Variants in FOCAD observed in about 807,000 individuals in gnomAD.
FOCAD encodes KIAA1797.
Under a neutral mutation model 225.6 loss-of-function variants are expected in FOCAD, and 198 were observed. The ratio of observed to expected loss-of-function variants is 0.88; its 90% CI spans 0.78 to 0.99. The LOEUF is 0.99. FOCAD is among the 50% of genes least tolerant of loss of function. The pLI is 0.00. For missense variants in FOCAD, 2,713 were observed against 2,123.6 expected, an observed-to-expected ratio of 1.28 and a Z score of -5.46; for synonymous variants, 897 against 755.0, an observed-to-expected ratio of 1.19 and a Z score of -3.08.
chr9:20,957,193 A>C (rs1838235545), intron 35 of FOCAD, among the ~76,000 whole-genome samples: 1 of 152,080 alleles, frequency 6.6e-6, no homozygotes. Context: ...CCCCCCAGGT[A>C]GCTAGGAGTG....
chr9:20,804,153 AAGT>A (rs1374846577), intron 11 of FOCAD, among the ~76,000 whole-genome samples: 2 of 152,084 alleles, frequency 1.3e-5, no homozygotes, highest in African/African-American at 4.8e-5. Flanking sequence ...TGAGGTTTAC[AAGT>A]AGAAGTCTCA....
At chr9:20,940,283 CTTTTT>C (rs567390382) in intron 28 of FOCAD, among the ~76,000 whole-genome samples, 1 of 133,542 alleles carries the variant, frequency 7.5e-6, no homozygotes, top group Non-Finnish European at 1.6e-5. Flanking sequence ...GCAGTTCTCC[CTTTTT>C]TTTTTTTTTT....
At chr9:20,681,344 A>C (rs1186788457), upstream of FOCAD, among the ~76,000 whole-genome samples, 1 of 152,128 alleles carries the variant, frequency 6.6e-6, no homozygotes, top group Non-Finnish European at 1.5e-5. Flanking sequence ...TTATCCTCCC[A>C]CTTGGCCTCC....
intron 1 of FOCAD, among the ~76,000 whole-genome samples, chr9:20,703,575 G>GTGTC (rs769222546): frequency 6.6e-6 from 1 of 151,784 alleles, no homozygotes; most frequent in South Asian, 2.1e-4. Context: ...CTTGGGGCTG[G>GTGTC]TGTCTTATTT....
At position 20,763,960 on chromosome 9, in the gene FOCAD, T is replaced by C. The variant is rs117075152; in HGVS notation, c.495-909T>C. On this transcript the variant is annotated intron_variant, in intron 6 of 43. Coordinates refer to ENST00000338382, the MANE Select transcript of FOCAD (RefSeq NM_001375567.1). ...TGCTTAAGAAGACCTTGACAAATTA[T>C]TTCACCTCTCTCTCCTTCAGTTTCT... Among the ~76,000 whole-genome samples, 867 of 152,308 alleles carry C rather than the reference T, an allele frequency of 5.7e-3. 3 individuals carry two copies. Among genetic ancestry groups the C allele is most frequent in the Non-Finnish European group, 9.7e-3 (662 of 68,006 alleles).
chr9:20,827,418 A>T (rs1256342555), intron 15 of FOCAD, among the ~76,000 whole-genome samples: 1 of 152,026 alleles, frequency 6.6e-6, no homozygotes, highest in African/African-American at 2.4e-5. Context: ...GTTTGGCTCT[A>T]CCACATTTTA....
At chr9:20,849,649 T>C (rs1827456564) in intron 15 of FOCAD, among the ~76,000 whole-genome samples, 1 of 151,938 alleles carries the variant, frequency 6.6e-6, no homozygotes, top group Non-Finnish European at 1.5e-5. Flanking sequence ...ATCATTAACG[T>C]CATGGTTTAC....
intron 6 of FOCAD, among the ~76,000 whole-genome samples, chr9:20,762,716 G>A (rs1291151173): frequency 6.6e-6 from 1 of 152,040 alleles, no homozygotes; most frequent in Non-Finnish European, 1.5e-5. Flanking sequence ...GTGCAGATCT[G>A]TTGGAAGGGT....
intron 28 of FOCAD, among the ~76,000 whole-genome samples, chr9:20,940,736 A>C (rs1420307092): frequency 6.6e-6 from 1 of 152,218 alleles, no homozygotes; most frequent in African/African-American, 2.4e-5. Flanking sequence ...TTTGGTTTAC[A>C]GATAAAGAAT....
chr9:20,876,772 C>G (rs2131809222), intron 19 of FOCAD, among the ~76,000 whole-genome samples: 1 of 151,986 alleles, frequency 6.6e-6, no homozygotes, highest in Middle Eastern at 3.4e-3. Flanking sequence ...GAATATATAC[C>G]CTAAAATGCA....
At chr9:20,761,442 G>A (rs7856026) in intron 6 of FOCAD, among the ~76,000 whole-genome samples, 127,482 of 151,736 alleles carry the variant, frequency 0.84, 53,650 homozygotes, top group Admixed American at 0.9. Flanking sequence ...TTTTTTTGTG[G>A]CAGAGTCTCA....
intron 35 of FOCAD, among the ~76,000 whole-genome samples, chr9:20,954,331 A>G (rs1419857855): frequency 6.6e-6 from 1 of 152,212 alleles, no homozygotes; most frequent in African/African-American, 2.4e-5. Context: ...TAAAATTTTC[A>G]TGGCCAAACT....
upstream of FOCAD, among the ~76,000 whole-genome samples, chr9:20,682,217 T>G (rs1482309216): frequency 1.3e-5 from 2 of 152,244 alleles, no homozygotes; most frequent in African/African-American, 4.8e-5. Context: ...TTTTATTGTT[T>G]ATAAATTACC....
intron 43 of FOCAD, among the ~76,000 whole-genome samples, chr9:20,995,016 C>T (rs1242910120): frequency 6.6e-6 from 1 of 151,884 alleles, no homozygotes; most frequent in Non-Finnish European, 1.5e-5. Flanking sequence ...CACAGAACTT[C>T]CTATTTTAAA....
At chr9:20,700,534 TAAA>T (rs111933515) in intron 1 of FOCAD, among the ~76,000 whole-genome samples, 1 of 140,880 alleles carries the variant, frequency 7.1e-6, no homozygotes, top group African/African-American at 2.6e-5. Context: ...TTCGCCTAGT[TAAA>T]AAAAAAAAAA....
chr9:20,721,019 G>A (rs901149516), intron 4 of FOCAD, among the ~76,000 whole-genome samples: 1 of 152,098 alleles, frequency 6.6e-6, no homozygotes, highest in Non-Finnish European at 1.5e-5. Flanking sequence ...ATAATGTTTT[G>A]TTCTTTGAAT....
At chr9:20,869,765 A>T (rs984840405) in intron 18 of FOCAD, among the ~76,000 whole-genome samples, 7 of 152,164 alleles carry the variant, frequency 4.6e-5, no homozygotes, top group African/African-American at 1.2e-4. Context: ...ACTAAGTGCT[A>T]GGTCCGATCT....
intron 2 of FOCAD, among the ~76,000 whole-genome samples, chr9:20,660,299 T>C (rs926113600): frequency 2.0e-5 from 3 of 152,144 alleles, no homozygotes; most frequent in African/African-American, 4.8e-5. Context: ...CAATGACCTA[T>C]GGTGTAGAAA....
intron 11 of FOCAD, among the ~76,000 whole-genome samples, chr9:20,808,703 G>A (rs1336818556): frequency 1.3e-5 from 2 of 152,070 alleles, no homozygotes; most frequent in Admixed American, 6.6e-5. Flanking sequence ...TTCTCTCCTG[G>A]CATCGACTGT....
Sources: allele counts gnomAD v4.1 joint callset (sites outside exome capture counted in the v4.1 genomes callset), GRCh38; gene constraint gnomAD v4.1.1; transcripts MANE v1.5; gene names NCBI Gene and HGNC (gene_info 2026-07-23, HGNC 2026-07-21).